The following LSP1 variants were observed in gnomAD, a reference collection of about 807,000 sequenced individuals.
LSP1 encodes the protein lymphocyte-specific protein 1.
In LSP1, 32 loss-of-function variants were observed where a neutral mutation model predicts 49.3. The ratio of observed to expected loss-of-function variants is 0.65; its 90% CI spans 0.49 to 0.87. The LOEUF (loss-of-function observed/expected upper bound fraction) is 0.87, where lower values mean the gene tolerates loss of function less well. Among genes scored for constraint, LSP1 ranks in the 40% least tolerant of loss-of-function variants. LSP1 has a pLI of 0.00. For missense variants in LSP1, 428 were observed against 442.6 expected, an observed-to-expected ratio of 0.97 and a Z score of 0.30; for synonymous variants, 179 against 178.8, an observed-to-expected ratio of 1.00 and a Z score of -0.01.
intron 10 of LSP1, chr11:1,890,710 G>C (rs1034642315): frequency 1.1e-4 from 67 of 608,762 alleles, no homozygotes; most frequent in Non-Finnish European, 1.6e-4. Context: ...TGAGTATTCT[G>C]CTTCCTGAGC....
chr11:1,884,227 G>C lies in LSP1; in HGVS notation c.592-53G>C, dbSNP rs2133124520. ...GGTTGGAGTAGCTGGGGAGATGGAG[G>C]GTGGGCTTTACCTCGGCTGCTGCAG... On this transcript the variant is annotated intron_variant, in intron 5 of 10. Transcript: ENST00000311604. The surrounding 1 kb of genome is among the most constrained non-coding windows in gnomAD (Gnocchi z 4.1). 6.2e-7 allele frequency: 1 copy of C among 1,603,140 alleles called. No homozygotes were observed. The highest frequency in any genetic ancestry group is 1.1e-5 in the South Asian group (1 of 90,840).
At chr11:1,887,612 GCACA>G in intron 10 of LSP1, 36 bp downstream of exon 10, 4 of 1,533,210 alleles carry the variant, frequency 2.6e-6, no homozygotes, top group Non-Finnish European at 2.7e-6. Flanking sequence ...GGGATGAGGT[GCACA>G]CACGTGCACT....
At chr11:1,873,579 GAGGAAGA>G (rs1848136330) in intron 1 of LSP1, among the ~76,000 whole-genome samples, 4 of 151,212 alleles carry the variant, frequency 2.6e-5, no homozygotes, top group Admixed American at 2.6e-4. Context: ...AAGGAAGAGG[GAGGAAGA>G]AGGGAGGATG....
intron 1 of LSP1, among the ~76,000 whole-genome samples, chr11:1,862,187 G>A (rs1014024778): frequency 3.3e-5 from 5 of 152,144 alleles, no homozygotes; most frequent in Non-Finnish European, 5.9e-5. Flanking sequence ...GAGATGGATG[G>A]ATGAGTAGAT....
chr11:1,883,665 G>A, intron 4 of LSP1, 105 bp downstream of exon 4: 5 of 1,405,994 alleles, frequency 3.6e-6, no homozygotes, highest in Non-Finnish European at 4.8e-6. Context: ...AGCCCAGAGT[G>A]GGTCAGCACC....
At chr11:1,866,811 G>A in intron 1 of LSP1, 4 of 1,550,220 alleles carry the variant, frequency 2.6e-6, no homozygotes, top group Non-Finnish European at 3.5e-6. Flanking sequence ...CCGGAGGAGG[G>A]GCAGAGCCCC....
At chr11:1,867,694 G>A (rs1357786521) in intron 1 of LSP1, among the ~76,000 whole-genome samples, 2 of 152,278 alleles carry the variant, frequency 1.3e-5, no homozygotes, top group East Asian at 1.9e-4. Flanking sequence ...GCAAAGTGCT[G>A]TGTCCTCAGT....
intron 1 of LSP1, among the ~76,000 whole-genome samples, chr11:1,854,002 G>C (rs1847425032): frequency 6.6e-6 from 1 of 152,198 alleles, no homozygotes; most frequent in Non-Finnish European, 1.5e-5. Flanking sequence ...CCGGCCAGCA[G>C]GCATCCAGGC....
intron 1 of LSP1, among the ~76,000 whole-genome samples, chr11:1,877,533 G>C (rs1249182268): frequency 6.6e-6 from 1 of 152,184 alleles, no homozygotes; most frequent in Non-Finnish European, 1.5e-5. Flanking sequence ...ACACACCTGG[G>C]CCTCGTGCCA....
intron 1 of LSP1, chr11:1,865,377 C>A (rs879649390): frequency 6.4e-6 from 2 of 311,588 alleles, no homozygotes; most frequent in Non-Finnish European, 9.4e-6. Context: ...TCTGCTGCCC[C>A]AAGCGTGGGC....
chr11:1,871,322 CG>C, intron 1 of LSP1: 1 of 986,180 alleles, frequency 1.0e-6, no homozygotes, highest in South Asian at 4.7e-5. Context: ...CCAGGCTGGT[CG>C]CCGCAGATGG....
Position 1,884,228 on chromosome 11 carries a change from G to A in LSP1, c.592-52G>A, listed in dbSNP as rs570051035. The A allele has an allele frequency of 1.2e-6, 2 of 1,604,996 alleles. No homozygotes were observed. The highest frequency in any genetic ancestry group is 2.2e-5 in the East Asian group (1 of 44,816). On this transcript the variant is annotated intron_variant, in intron 5 of 10. Transcript: ENST00000311604. This position sits in a 1 kb window ranked among gnomAD's most constrained non-coding sequence, Gnocchi z 4.1. ...GTTGGAGTAGCTGGGGAGATGGAGG[G>A]TGGGCTTTACCTCGGCTGCTGCAGG...
intron 10 of LSP1, chr11:1,888,669 A>C (rs1848855945): frequency 6.5e-6 from 1 of 154,194 alleles, no homozygotes; most frequent in African/African-American, 2.4e-5. Flanking sequence ...AAAACTGCTG[A>C]CTGCTCCTGA....
intron 1 of LSP1, chr11:1,869,636 T>G (rs1481476227): frequency 4.2e-6 from 2 of 470,722 alleles, no homozygotes; most frequent in African/African-American, 4.0e-5. Flanking sequence ...TCAGAGCCGC[T>G]GTCTCACACA....
Position 1,887,521 on chromosome 11 carries a change from G to A in LSP1, c.978G>A (p.Gly326=), listed in dbSNP as rs769462767. 35 of 1,613,810 alleles carry A rather than the reference G, an allele frequency of 2.2e-5. No individual in the cohort carries two copies. The highest frequency in any genetic ancestry group is 2.9e-5 in the Non-Finnish European group (34 of 1,179,958). Residue 326 remains glycine (G), a synonymous_variant, in exon 10 of 11, where the codon GGG becomes GGA. Coordinates refer to ENST00000311604, the MANE Select transcript of LSP1 (RefSeq NM_002339.3). ...KRYKFVATGH[G]KYEKVLVEGG... is the part of the protein sequence containing the mutation. ...ATAAGTTTGTGGCCACCGGGCATGG[G>A]AAGTATGAGAAGGTGCTTGTGGAAG...
intron 1 of LSP1, among the ~76,000 whole-genome samples, chr11:1,879,276 C>T (rs752577255): frequency 7.2e-5 from 11 of 152,144 alleles, no homozygotes; most frequent in South Asian, 2.1e-4. Context: ...ACCCAGGAGG[C>T]GGAGGTTGTG....
intron 1 of LSP1, among the ~76,000 whole-genome samples, chr11:1,854,797 G>A (rs1257887142): frequency 6.6e-6 from 1 of 152,216 alleles, no homozygotes; most frequent in Non-Finnish European, 1.5e-5. Context: ...TGGACTAGGT[G>A]CTGCTCCTGG....
At position 1,880,243 on chromosome 11, in the gene LSP1, C is replaced by G. The variant is rs778767008; in HGVS notation, c.191+19C>G. 1.3e-6 allele frequency: 2 copies of G among 1,561,648 alleles called. No individual in the cohort carries two copies. The highest frequency in any genetic ancestry group is 1.7e-6 in the Non-Finnish European group (2 of 1,150,892). On this transcript the variant is annotated intron_variant, in intron 2 of 10. Coordinates refer to ENST00000311604, the MANE Select transcript of LSP1 (RefSeq NM_002339.3). The stretch of plus-strand genomic sequence containing the variant: ...AGATGCTGTGAGCAGCCCCATAACG[C>G]GTGCCTGGGCTCTAGCCCCTATCCG...
At chr11:1,873,636 A>C (rs1199713330) in intron 1 of LSP1, among the ~76,000 whole-genome samples, 2 of 149,692 alleles carry the variant, frequency 1.3e-5, no homozygotes, top group Non-Finnish European at 3.0e-5. Flanking sequence ...GAAGGAGAAG[A>C]ATGGAAGGAG....
Sources: gnomAD v4.1 joint callset for allele counts (sites outside exome capture counted in the v4.1 genomes callset) on GRCh38, gnomAD v4.1.1 for gene constraint, Gnocchi (gnomAD v3.1) non-coding constraint, MANE v1.5 for transcripts, NCBI Gene and HGNC (gene_info 2026-07-23, HGNC 2026-07-21) for gene names.